The following GRID2 variants were observed in gnomAD, a reference collection of about 807,000 sequenced individuals.
GRID2 encodes glutamate ionotropic receptor delta type subunit 2, also known as glutamate receptor ionotropic, delta-2.
Under a neutral mutation model 114.8 loss-of-function variants are expected in GRID2, and 33 were observed. That is an observed-to-expected ratio of 0.29 (90% CI 0.22 to 0.38). The LOEUF (loss-of-function observed/expected upper bound fraction) is 0.38, where lower values mean the gene tolerates loss of function less well. GRID2 is among the 10% of genes least tolerant of loss of function. The probability of loss-of-function intolerance (pLI) is 1.00; values close to 1 mark genes in which losing one functional copy is unlikely to be tolerated. For synonymous variants in GRID2, 505 were observed against 449.9 expected (o/e 1.12, Z -1.55); for missense variants, 1,184 against 1,257.7 (o/e 0.94, Z 0.89).
chr4:92,484,042 C>A (rs2149107394), intron 1 of GRID2, among the ~76,000 whole-genome samples: 1 of 152,272 alleles, frequency 6.6e-6, no homozygotes, highest in African/African-American at 2.4e-5. Context: ...ACTGACCACT[C>A]CCAAATTTGT....
intron 12 of GRID2, among the ~76,000 whole-genome samples, chr4:93,504,303 G>A (rs1728422052): frequency 6.6e-6 from 1 of 151,938 alleles, no homozygotes; most frequent in African/African-American, 2.4e-5. Flanking sequence ...CCATATGCAA[G>A]GTAGTGATCA....
chr4:92,955,061 T>C (rs1479569825), intron 2 of GRID2, among the ~76,000 whole-genome samples: 3 of 109,484 alleles, frequency 2.7e-5, no homozygotes, highest in African/African-American at 1.3e-4. Context: ...TTGTGAATAA[T>C]GCCACAATAA....
intron 1 of GRID2, among the ~76,000 whole-genome samples, chr4:92,530,760 A>C (rs2149150299): frequency 7.1e-6 from 1 of 141,238 alleles, no homozygotes; most frequent in South Asian, 2.2e-4. Context: ...AAAAAAAATT[A>C]GCTGGGCGTG....
intron 2 of GRID2, among the ~76,000 whole-genome samples, chr4:92,900,948 G>GTGTGTGTGTGTGTGTGTA (rs1294980486): frequency 6.6e-6 from 1 of 151,558 alleles, no homozygotes; most frequent in Non-Finnish European, 1.5e-5. Flanking sequence ...GTGTGTGTGT[G>GTGTGTGTGTGTGTGTGTA]TATTTCCCAT....
At chr4:92,980,196 G>A (rs1000322099) in intron 2 of GRID2, among the ~76,000 whole-genome samples, 2 of 151,870 alleles carry the variant, frequency 1.3e-5, no homozygotes, top group African/African-American at 2.4e-5. Context: ...TATTAGTTTT[G>A]TAGATTCTTG....
chr4:92,611,014 T>G (rs1729698648), intron 2 of GRID2, among the ~76,000 whole-genome samples: 1 of 123,282 alleles, frequency 8.1e-6, no homozygotes, highest in South Asian at 3.0e-4. Flanking sequence ...ATTTATTGAA[T>G]AGTCTGTGTG....
chr4:93,780,048 A>T (rs1319394563), intron 1 of GRID2, among the ~76,000 whole-genome samples: 4 of 152,234 alleles, frequency 2.6e-5, no homozygotes, highest in Non-Finnish European at 5.9e-5. Flanking sequence ...TGGAGTTCAC[A>T]GTTAACTGAG....
chr4:93,726,992 G>A (rs1169156490), intron 14 of GRID2, among the ~76,000 whole-genome samples: 2 of 152,154 alleles, frequency 1.3e-5, no homozygotes, highest in African/African-American at 2.4e-5. Flanking sequence ...TCTCCTGCCT[G>A]ATTGCCCTGG....
At position 92,565,052 on chromosome 4, in the gene GRID2, GT is replaced by G. The variant is rs911725631; in HGVS notation, c.89-25075del. On this transcript the variant is annotated intron_variant, in intron 1 of 15. Transcript: ENST00000282020. ...AATTTTAACCACAAATGTGGGAATG[GT>G]TTTGACAAGGCATACAGTTTTGGCA... Among the ~76,000 whole-genome samples the G allele has an allele frequency of 1.7e-3, 257 of 152,056 alleles. 1 individual carries two copies. The highest frequency in any genetic ancestry group is 6.1e-3 in the African/African-American group (252 of 41,532).
intron 2 of GRID2, among the ~76,000 whole-genome samples, chr4:92,971,554 T>C (rs1487082036): frequency 6.6e-6 from 1 of 152,076 alleles, no homozygotes; most frequent in East Asian, 1.9e-4. Context: ...ACATTTAAAA[T>C]CCTCTTTTCT....
chr4:92,769,122 C>T (rs1371923161), intron 2 of GRID2, among the ~76,000 whole-genome samples: 1 of 152,172 alleles, frequency 6.6e-6, no homozygotes, highest in Non-Finnish European at 1.5e-5. Context: ...ATGGGGGGTA[C>T]AGACATTGGG....
At chr4:93,495,320 T>C (rs1028391417) in intron 12 of GRID2, among the ~76,000 whole-genome samples, 6 of 97,548 alleles carry the variant, frequency 6.2e-5, no homozygotes, top group African/African-American at 1.6e-4. Context: ...AATAACAGGA[T>C]TTTTGCCATC....
chr4:93,355,738 A>C (rs1761272264), intron 8 of GRID2, among the ~76,000 whole-genome samples: 1 of 152,106 alleles, frequency 6.6e-6, no homozygotes, highest in Non-Finnish European at 1.5e-5. Context: ...CAGTTTAAGA[A>C]AGAGAGCTCT....
chr4:92,445,112 A>T (rs1733382935), intron 1 of GRID2, among the ~76,000 whole-genome samples: 1 of 152,162 alleles, frequency 6.6e-6, no homozygotes, highest in Non-Finnish European at 1.5e-5. Context: ...TATGTGCTAG[A>T]TACTCTTCAA....
chr4:93,379,974 C>T (rs992470050), intron 8 of GRID2, among the ~76,000 whole-genome samples: 10 of 152,014 alleles, frequency 6.6e-5, no homozygotes, highest in African/African-American at 2.4e-4. Context: ...AAGCTTGACA[C>T]TAAAATGAGA....
At chr4:93,339,044 A>C (rs1445720805) in intron 8 of GRID2, among the ~76,000 whole-genome samples, 1 of 152,188 alleles carries the variant, frequency 6.6e-6, no homozygotes, top group African/African-American at 2.4e-5. Context: ...AGACAGGTCC[A>C]TGTGGTGAGG....
At position 93,726,244 on chromosome 4, in the gene GRID2, C is replaced by A. The variant is rs958098146; in HGVS notation, c.2361-42966C>A. Among the ~76,000 whole-genome samples the A allele has an allele frequency of 2.0e-5, 3 of 152,306 alleles. No homozygotes were observed. The East Asian group carries it at 5.8e-4, about 29-fold the overall frequency. ...CAGCACCATTTATTAAATAGGGCAT[C>A]CTTCCCCCATTGGTTGTTTTTGTCA... On this transcript the variant is annotated intron_variant, in intron 14 of 15. Coordinates refer to ENST00000282020, the MANE Select transcript of GRID2 (RefSeq NM_001510.4).
At chr4:93,702,881 T>C (rs1400611063) in intron 14 of GRID2, among the ~76,000 whole-genome samples, 1 of 152,012 alleles carries the variant, frequency 6.6e-6, no homozygotes, top group Non-Finnish European at 1.5e-5. Flanking sequence ...AATATCTCAA[T>C]TGGGAGAAGT....
rs546187014 is a variant in GRID2, at chr4:92,959,075, T to C, written c.245-125920T>C. On this transcript the variant is annotated intron_variant, in intron 2 of 15. Transcript: ENST00000282020. ...CACTCTTCTTTTTTTTTTTTTTTTT[T>C]CCTTAGCCTGGCTAAAGGCATACAG... is the stretch of plus-strand genomic sequence containing the variant. Among the ~76,000 whole-genome samples the C allele has an allele frequency of 4.5e-3, 671 of 149,834 alleles. 5 individuals carry two copies. The highest frequency in any genetic ancestry group is 0.015 in the African/African-American group (596 of 40,924).
Sources: gnomAD v4.1 joint callset for allele counts (sites outside exome capture counted in the v4.1 genomes callset) on GRCh38, gnomAD v4.1.1 for gene constraint, MANE v1.5 for transcripts, NCBI Gene and HGNC (gene_info 2026-07-23, HGNC 2026-07-21) for gene names.